The following CDC42SE2 variants were observed in gnomAD, a reference collection of about 807,000 sequenced individuals.
The protein encoded by CDC42SE2 is CDC42 small effector 2.
Under a neutral mutation model 11.5 loss-of-function variants are expected in CDC42SE2, and 3 were observed. That is an observed-to-expected ratio of 0.26 (90% CI 0.12 to 0.67). The LOEUF is 0.67. Among genes scored for constraint, CDC42SE2 ranks in the 30% least tolerant of loss-of-function variants. The pLI, the probability that CDC42SE2 is intolerant of heterozygous loss-of-function variation, is 0.80. For missense variants in CDC42SE2, 82 were observed against 106.8 expected (o/e 0.77, Z 1.02); for synonymous variants, 33 against 34.8 (o/e 0.95, Z 0.18).
intron 2 of CDC42SE2, among the ~76,000 whole-genome samples, chr5:131,349,235 A>G (rs530996021): frequency 6.6e-5 from 10 of 151,382 alleles, no homozygotes; most frequent in Non-Finnish European, 1.0e-4. Context: ...TGAACAAACT[A>G]TCGCAAGGAC....
intron 1 of CDC42SE2, among the ~76,000 whole-genome samples, chr5:131,304,524 T>C (rs554856281): frequency 2.0e-5 from 3 of 152,344 alleles, no homozygotes; most frequent in East Asian, 1.9e-4. Flanking sequence ...TGAATGATTA[T>C]AGTAAAATGT....
At chr5:131,273,236 A>G (rs1427292234) in intron 1 of CDC42SE2, among the ~76,000 whole-genome samples, 3 of 147,510 alleles carry the variant, frequency 2.0e-5, no homozygotes, top group Non-Finnish European at 3.0e-5. Flanking sequence ...GCTCACTGCA[A>G]CCTCCGCCTC....
chr5:131,299,318 G>A (rs1438959117), intron 1 of CDC42SE2, among the ~76,000 whole-genome samples: 1 of 152,186 alleles, frequency 6.6e-6, no homozygotes, highest in East Asian at 1.9e-4. Flanking sequence ...CCAGGGGTCA[G>A]TTAGCAGCTA....
chr5:131,217,500 A>C, the CDC42SE2 span, among the ~76,000 whole-genome samples: 1 of 152,244 alleles, frequency 6.6e-6, no homozygotes, highest in Non-Finnish European at 1.5e-5. Context: ...TTATCTTTTC[A>C]ACAAACAGTA....
At chr5:131,375,031 CTTT>C (rs371146670) in intron 3 of CDC42SE2, among the ~76,000 whole-genome samples, 245 of 138,598 alleles carry the variant, frequency 1.8e-3, no homozygotes, top group African/African-American at 5.8e-3. Context: ...TTCTCCCCTC[CTTT>C]TTTTTTTTTT....
chr5:131,232,933 T>TAA, the CDC42SE2 span, among the ~76,000 whole-genome samples: 3 of 141,662 alleles, frequency 2.1e-5, no homozygotes, highest in East Asian at 2.0e-4. Context: ...CTGCACACAG[T>TAA]AAAAAAAAAA....
chr5:131,221,063 A>G, the CDC42SE2 span, among the ~76,000 whole-genome samples: 1 of 151,778 alleles, frequency 6.6e-6, no homozygotes, highest in African/African-American at 2.4e-5. Flanking sequence ...ATTTTGTATT[A>G]TTAATAGAGA....
In CDC42SE2 at chr5:131,329,879, CAAAAAAAAAAAAAAAAAAAAAAAAAA is replaced by C. The variant is rs747152132; in HGVS notation, c.-286+13753_-286+13778del. Among the ~76,000 whole-genome samples, 127 of 56,628 alleles carry C rather than the reference CAAAAAAAAAAAAAAAAAAAAAAAAAA, an allele frequency of 2.2e-3. 1 individual carries two copies. Among genetic ancestry groups the C allele is most frequent in the Middle Eastern group, 0.012 (1 of 82 alleles). The allele number at this position is 56,628 out of a possible 152,430, so 37.2% of individuals were successfully genotyped here. The stretch of plus-strand genomic sequence containing the variant: ...GGGCAACAAGAGTGAAACTCCATCT[CAAAAAAAAAAAAAAAAAAAAAAAAAA>C]AAAAAAAAAAAAAAAAAGAAGAAGC... On this transcript the variant is annotated intron_variant, in intron 2 of 4. Transcript: ENST00000505065.
chr5:131,312,932 G>A (rs372075330), intron 1 of CDC42SE2, among the ~76,000 whole-genome samples: 3 of 151,926 alleles, frequency 2.0e-5, no homozygotes, highest in East Asian at 1.9e-4. Context: ...CTGTAGACGG[G>A]AGCTGTTCCT....
chr5:131,278,144 C>G (rs1024368094), intron 1 of CDC42SE2, among the ~76,000 whole-genome samples: 3 of 152,102 alleles, frequency 2.0e-5, no homozygotes, highest in Non-Finnish European at 4.4e-5. Context: ...TGCCACCACG[C>G]TAGCCAATTT....
At chr5:131,386,179 T>TA (rs1396190395) in intron 4 of CDC42SE2, among the ~76,000 whole-genome samples, 1 of 152,186 alleles carries the variant, frequency 6.6e-6, no homozygotes, top group Non-Finnish European at 1.5e-5. Flanking sequence ...CATCAGGCAT[T>TA]AGATTCTCAT....
chr5:131,349,772 G>C (rs1451874928), intron 2 of CDC42SE2, among the ~76,000 whole-genome samples: 2 of 150,448 alleles, frequency 1.3e-5, no homozygotes, highest in African/African-American at 5.0e-5. Flanking sequence ...GTTAAATAGA[G>C]CAGGAGATAA....
chr5:131,356,181 C>T (rs886494058), intron 2 of CDC42SE2, among the ~76,000 whole-genome samples: 1 of 152,148 alleles, frequency 6.6e-6, no homozygotes, highest in African/African-American at 2.4e-5. Context: ...ATTTGCTGAG[C>T]TGTATTTAAA....
chr5:131,301,421 A>G (rs1157496664), intron 1 of CDC42SE2, among the ~76,000 whole-genome samples: 1 of 152,164 alleles, frequency 6.6e-6, no homozygotes, highest in African/African-American at 2.4e-5. Context: ...TTACTGAAAC[A>G]TCACTATGTA....
chr5:131,364,234 G>A (rs1749790692), intron 3 of CDC42SE2, among the ~76,000 whole-genome samples: 1 of 152,204 alleles, frequency 6.6e-6, no homozygotes, highest in South Asian at 2.1e-4. Context: ...AGAGGATGAC[G>A]TTGGAGAAAT....
At chr5:131,242,462 T>A (rs1329171434), upstream of CDC42SE2, among the ~76,000 whole-genome samples, 1 of 152,218 alleles carries the variant, frequency 6.6e-6, no homozygotes, top group Non-Finnish European at 1.5e-5. Context: ...TTTTCATGTT[T>A]GCAAGAAGGT....
the CDC42SE2 span, among the ~76,000 whole-genome samples, chr5:131,238,950 G>GT: frequency 9.9e-5 from 15 of 151,998 alleles, no homozygotes; most frequent in African/African-American, 3.6e-4. Flanking sequence ...GAGGTCAGGA[G>GT]TTTGAGACCA....
At chr5:131,298,680 A>G in intron 1 of CDC42SE2, among the ~76,000 whole-genome samples, 1 of 151,960 alleles carries the variant, frequency 6.6e-6, no homozygotes, top group East Asian at 1.9e-4. Context: ...TGTTACCACC[A>G]TCTTTGGTAC....
At chr5:131,338,498 A>G (rs554483902) in intron 2 of CDC42SE2, among the ~76,000 whole-genome samples, 4 of 152,362 alleles carry the variant, frequency 2.6e-5, no homozygotes, top group Middle Eastern at 3.4e-3. Flanking sequence ...TATTCATTAA[A>G]GAATCTCTGC....
Sources: gnomAD v4.1 joint callset for allele counts (sites outside exome capture counted in the v4.1 genomes callset) on GRCh38, gnomAD v4.1.1 for gene constraint, MANE v1.5 for transcripts, NCBI Gene and HGNC (gene_info 2026-07-23, HGNC 2026-07-21) for gene names.